PKHD1: variants seen among roughly 807,000 people sequenced by gnomAD.
PKHD1 encodes PKHD1 ciliary IPT domain containing fibrocystin/polyductin.
PKHD1 carries 291 observed loss-of-function variants against 412.0 expected under a neutral mutation model. The ratio of observed to expected loss-of-function variants is 0.71; its 90% CI spans 0.64 to 0.78. The LOEUF is 0.78. Ranked by LOEUF, PKHD1 falls within the 30% of genes least tolerant of loss-of-function variation. The pLI is 0.00. For missense variants in PKHD1, 4,825 were observed against 4,950.7 expected, an observed-to-expected ratio of 0.97 and a Z score of 0.76; for synonymous variants, 1,777 against 1,821.5, an observed-to-expected ratio of 0.98 and a Z score of 0.62.
intron 60 of PKHD1, chr6:51,722,134 A>G: frequency 6.4e-7 from 1 of 1,551,578 alleles, no homozygotes; most frequent in South Asian, 1.1e-5. Flanking sequence ...AAAATACCCC[A>G]CACCTTGTAA....
At chr6:51,793,430 G>A (rs763387513) in intron 52 of PKHD1, among the ~76,000 whole-genome samples, 2 of 152,046 alleles carry the variant, frequency 1.3e-5, no homozygotes, top group Non-Finnish European at 2.9e-5. Context: ...CTTGTGCCAC[G>A]GTGGCCTGCT....
rs999915097 is a variant in PKHD1, at chr6:51,710,213, CA to C, written c.10156+34171del. ...CGACAGAGCAAGACTCCATCTCAACCAAAAAAAAATTATTTTCAGATATAGA... is the reference window on the plus strand; with the variant it reads ...CGACAGAGCAAGACTCCATCTCAACCAAAAAAAATTATTTTCAGATATAGA... On this transcript the variant is annotated intron_variant, in intron 60 of 66. Coordinates refer to ENST00000371117, the MANE Select transcript of PKHD1 (RefSeq NM_138694.4). Among the ~76,000 whole-genome samples, 15 of 150,422 alleles carry C rather than the reference CA, an allele frequency of 1.0e-4. 1 individual carries two copies. Among genetic ancestry groups the C allele is most frequent in the Admixed American group, 4.0e-4 (6 of 15,132 alleles).
chr6:52,045,162 GT>G lies in PKHD1; in HGVS notation c.2593-75del, dbSNP rs1340247314. The G allele has an allele frequency of 9.1e-6, 13 of 1,431,042 alleles. No homozygotes were observed. The African/African-American group carries it at 1.8e-4, about 20-fold the overall frequency. 88.6% of individuals were successfully genotyped at this position (1,431,042 alleles called of 1,614,324 possible). A position where few individuals can be genotyped will look rare whatever the true frequency, so the allele number is the denominator to read the frequency against. On this transcript the variant is annotated intron_variant, in intron 24 of 66. Coordinates refer to ENST00000371117, the MANE Select transcript of PKHD1 (RefSeq NM_138694.4). Reference sequence around the variant, plus strand: ...ATCTCGTCTAATCAAATAATAAAGAGTTTTTTCACATTGTGTTTCAGATAAT... The same window carrying G: ...ATCTCGTCTAATCAAATAATAAAGAGTTTTTCACATTGTGTTTCAGATAAT...
In PKHD1 at chr6:51,912,608, A is replaced by C. The variant is rs746046406; in HGVS notation, c.6122-32T>G. The C allele has an allele frequency of 8.0e-6, 11 of 1,370,550 alleles. No individual in the cohort carries two copies. The East Asian group carries it at 2.3e-4, about 29-fold the overall frequency. 84.9% of individuals were successfully genotyped at this position (1,370,550 alleles called of 1,614,324 possible). A position where few individuals can be genotyped will look rare whatever the true frequency, so the allele number is the denominator to read the frequency against. ...CAGCCCGAGGAAAAGTTGTCCAGAT[A>C]ATTTAATCATTAATCAAAACGTGAT... On this transcript the variant is annotated intron_variant, in intron 37 of 66. Transcript: ENST00000371117.
At chr6:52,073,920 T>C (rs1159651323) in intron 6 of PKHD1, among the ~76,000 whole-genome samples, 2 of 152,148 alleles carry the variant, frequency 1.3e-5, no homozygotes, top group Non-Finnish European at 2.9e-5. Flanking sequence ...CAACACGAGA[T>C]TTAAGGACAA....
chr6:51,809,825 T>C (rs1764415905), intron 52 of PKHD1, among the ~76,000 whole-genome samples: 1 of 151,994 alleles, frequency 6.6e-6, no homozygotes, highest in Non-Finnish European at 1.5e-5. Context: ...TGCATGCTAG[T>C]ATTGTTGCCA....
intron 55 of PKHD1, among the ~76,000 whole-genome samples, chr6:51,763,759 C>T: frequency 6.6e-6 from 1 of 152,024 alleles, no homozygotes; most frequent in African/African-American, 2.4e-5. Context: ...GCTCCTGCAG[C>T]CCCTGACTAC....
chr6:52,002,323 G>T (rs1231076154), intron 35 of PKHD1, among the ~76,000 whole-genome samples: 2 of 152,220 alleles, frequency 1.3e-5, no homozygotes, highest in Non-Finnish European at 2.9e-5. Context: ...CAGGGACATT[G>T]CTGGAATTAG....
chr6:52,065,875 G>C (rs931066649), intron 12 of PKHD1, 101 bp downstream of exon 12: 30 of 736,130 alleles, frequency 4.1e-5, no homozygotes, highest in African/African-American at 3.5e-4. Flanking sequence ...GTCAGAAGGG[G>C]CAAAGCTTGC....
At chr6:51,707,125 A>G (rs1249000526) in intron 60 of PKHD1, among the ~76,000 whole-genome samples, 2 of 152,202 alleles carry the variant, frequency 1.3e-5, no homozygotes. Context: ...TGCTACCATG[A>G]CAGCCTGATA....
chr6:51,816,958 T>A (rs933579520), intron 52 of PKHD1, among the ~76,000 whole-genome samples: 15 of 152,174 alleles, frequency 9.9e-5, no homozygotes, highest in African/African-American at 3.4e-4. Flanking sequence ...AAGGAAAACA[T>A]AAATTATGAA....
At chr6:51,692,969 C>T (rs72899351) in intron 60 of PKHD1, among the ~76,000 whole-genome samples, 7,253 of 152,192 alleles carry the variant, frequency 0.048, 261 homozygotes, top group Middle Eastern at 0.12. Flanking sequence ...ACTCTTAGGG[C>T]ATCACTATCT....
chr6:51,801,319 T>C (rs777664900), intron 52 of PKHD1, among the ~76,000 whole-genome samples: 2 of 152,176 alleles, frequency 1.3e-5, no homozygotes, highest in Non-Finnish European at 2.9e-5. Flanking sequence ...TAGTGTCAAG[T>C]AGACTAATTT....
In PKHD1 at chr6:51,903,509, G is replaced by A. The variant is rs1052569074; in HGVS notation, c.6996+88C>T. 47 of 1,138,002 alleles carry A rather than the reference G, an allele frequency of 4.1e-5. No individual in the cohort carries two copies. In the African/African-American group the frequency reaches 6.8e-4, roughly 16 times the overall value. The allele number at this position is 1,138,002 out of a possible 1,614,324, so 70.5% of individuals were successfully genotyped here. A position where few individuals can be genotyped will look rare whatever the true frequency, so the allele number is the denominator to read the frequency against. ...GCAATTATTCTTCCAATGTGGCCCA[G>A]GGAAGCCAAAAGGTTGGACACCCCT... On this transcript the variant is annotated intron_variant, in intron 43 of 66. Coordinates refer to ENST00000371117, the MANE Select transcript of PKHD1 (RefSeq NM_138694.4).
chr6:51,990,971 G>GA (rs1320134608), intron 35 of PKHD1, among the ~76,000 whole-genome samples: 1 of 152,074 alleles, frequency 6.6e-6, no homozygotes, highest in Non-Finnish European at 1.5e-5. Context: ...AAAATAAGTA[G>GA]AAAAAATACT....
intron 35 of PKHD1, among the ~76,000 whole-genome samples, chr6:51,964,552 T>C (rs893738840): frequency 1.3e-5 from 2 of 152,136 alleles, no homozygotes; most frequent in Non-Finnish European, 2.9e-5. Flanking sequence ...AATGTAAGCT[T>C]CACAAGAGTG....
chr6:51,746,926 A>G, intron 58 of PKHD1, 37 bp from the exon 59 acceptor site: 7 of 1,217,598 alleles, frequency 5.7e-6, no homozygotes, highest in Non-Finnish European at 8.3e-6. Context: ...ATATTATATC[A>G]TATAAACCAC....
chr6:52,032,321 C>G (rs558394896), intron 29 of PKHD1, among the ~76,000 whole-genome samples: 34 of 152,268 alleles, frequency 2.2e-4, no homozygotes, highest in African/African-American at 6.5e-4. Flanking sequence ...GGGAAGTTAC[C>G]TGCTACTCTT....
At chr6:51,935,667 C>T (rs1787357976) in intron 36 of PKHD1, among the ~76,000 whole-genome samples, 1 of 152,168 alleles carries the variant, frequency 6.6e-6, no homozygotes, top group Admixed American at 6.5e-5. Flanking sequence ...ACCCAACCTC[C>T]AATACCTCTC....
Sources: gnomAD v4.1 joint callset for allele counts (sites outside exome capture counted in the v4.1 genomes callset) on GRCh38, gnomAD v4.1.1 for gene constraint, MANE v1.5 for transcripts, NCBI Gene and HGNC (gene_info 2026-07-23, HGNC 2026-07-21) for gene names.